CALN1: variants seen among roughly 807,000 people sequenced by gnomAD.
CALN1 encodes the protein calneuron 1.
In CALN1, 17 loss-of-function variants were observed where a neutral mutation model predicts 30.6. The observed-to-expected ratio is 0.56, with a 90% confidence interval of 0.38 to 0.83. The LOEUF (loss-of-function observed/expected upper bound fraction) is 0.83. CALN1 is among the 40% of genes least tolerant of loss of function. CALN1 has a pLI of 0.00. For missense variants in CALN1, 291 were observed against 354.9 expected (o/e 0.82, Z 1.45); for synonymous variants, 156 against 131.4 (o/e 1.19, Z -1.28).
At chr7:72,196,090 C>T (rs1169559202) in intron 3 of CALN1, among the ~76,000 whole-genome samples, 1 of 151,584 alleles carries the variant, frequency 6.6e-6, no homozygotes, top group Non-Finnish European at 1.5e-5. Context: ...GGAGTGAATG[C>T]TAAGGGGTAT....
At position 71,781,526 on chromosome 7, in the gene CALN1, G is replaced by T. The variant is rs1792713362; in HGVS notation, c.*6249C>A. 1.3e-5 allele frequency: 2 copies of T among 152,268 alleles called. No homozygotes were observed. Among genetic ancestry groups the T allele is most frequent in the African/African-American group, 4.8e-5 (2 of 41,454 alleles). The allele number at this position is 152,268 out of a possible 1,614,324, so 9.4% of individuals were successfully genotyped here. On this transcript the variant is annotated 3_prime_UTR_variant, in exon 7 of 7. Coordinates refer to ENST00000395275, the MANE Select transcript of CALN1 (RefSeq NM_031468.4). ...TTCCAAAGTAGGCCAGCGATCCAGA[G>T]AAGACCTTCAGAGGACAGCATCTGC...
chr7:72,150,203 G>A (rs976464906), intron 3 of CALN1, among the ~76,000 whole-genome samples: 4 of 151,460 alleles, frequency 2.6e-5, no homozygotes, highest in Non-Finnish European at 4.4e-5. Flanking sequence ...AGATCTTCAC[G>A]AATCTTTTGC....
intron 3 of CALN1, among the ~76,000 whole-genome samples, chr7:72,181,048 C>T (rs954450007): frequency 5.5e-5 from 8 of 145,598 alleles, no homozygotes; most frequent in East Asian, 2.1e-4. Context: ...CAGTGAGCCA[C>T]GATCACGCCA....
chr7:72,209,350 C>CTCTT (rs1792194174), intron 3 of CALN1, among the ~76,000 whole-genome samples: 1 of 45,656 alleles, frequency 2.2e-5, no homozygotes, highest in African/African-American at 1.3e-4. Context: ...CTTTCCTTCC[C>CTCTT]TCCTTCCCTC....
chr7:71,914,289 G>C lies in CALN1; in HGVS notation c.502-103797C>G, dbSNP rs530803228. Among the ~76,000 whole-genome samples the C allele has an allele frequency of 1.8e-4, 27 of 152,218 alleles. No individual in the cohort carries two copies. The South Asian group carries it at 5.4e-3, about 30-fold the overall frequency. The stretch of plus-strand genomic sequence containing the variant: ...CTCATCATTTACCTCCCACTTATAA[G>C]TAAGAACATGCAGTATTTGGTTTTC... On this transcript the variant is annotated intron_variant, in intron 5 of 6. Coordinates refer to ENST00000395275, the MANE Select transcript of CALN1 (RefSeq NM_031468.4).
intron 5 of CALN1, among the ~76,000 whole-genome samples, chr7:71,950,087 T>G (rs1460253520): frequency 6.6e-6 from 1 of 152,100 alleles, no homozygotes; most frequent in Non-Finnish European, 1.5e-5. Flanking sequence ...AAATCTCTGC[T>G]TTTGTTGCTT....
chr7:71,946,038 G>A (rs1024977042), intron 5 of CALN1, among the ~76,000 whole-genome samples: 4 of 152,114 alleles, frequency 2.6e-5, no homozygotes, highest in African/African-American at 9.7e-5. Flanking sequence ...ATGGGGTGAG[G>A]GCCGCTTTAG....
At chr7:72,109,876 GAAA>G (rs969217331) in intron 3 of CALN1, among the ~76,000 whole-genome samples, 3 of 146,574 alleles carry the variant, frequency 2.0e-5, no homozygotes, top group Non-Finnish European at 3.0e-5. Context: ...TTCCCCATCT[GAAA>G]AAATGGGTTA....
intron 5 of CALN1, among the ~76,000 whole-genome samples, chr7:72,002,396 AATACT>A (rs1041935592): frequency 1.3e-5 from 2 of 152,200 alleles, no homozygotes; most frequent in South Asian, 2.1e-4. Flanking sequence ...TAATTTATTA[AATACT>A]ATACTGAAAG....
chr7:72,383,208 A>C (rs1322223681), intron 2 of CALN1, among the ~76,000 whole-genome samples: 1 of 152,174 alleles, frequency 6.6e-6, no homozygotes, highest in Non-Finnish European at 1.5e-5. Context: ...ATTGTGAATA[A>C]TGCTGCAATG....
chr7:71,842,132 A>C (rs1789974777), intron 5 of CALN1, among the ~76,000 whole-genome samples: 1 of 152,168 alleles, frequency 6.6e-6, no homozygotes, highest in Non-Finnish European at 1.5e-5. Context: ...AGATAGCTAG[A>C]TACTAGGCAG....
At chr7:72,347,670 A>G (rs1272848379) in intron 2 of CALN1, among the ~76,000 whole-genome samples, 1 of 152,200 alleles carries the variant, frequency 6.6e-6, no homozygotes, top group Admixed American at 6.5e-5. Flanking sequence ...ACGTAATAAA[A>G]GCTAGTACAA....
chr7:71,904,747 C>T (rs1471543088), intron 5 of CALN1, among the ~76,000 whole-genome samples: 2 of 152,158 alleles, frequency 1.3e-5, no homozygotes, highest in African/African-American at 4.8e-5. Context: ...TAATTAGCTA[C>T]ATTTAATTTA....
chr7:72,066,793 T>A (rs987541191), intron 4 of CALN1, among the ~76,000 whole-genome samples: 4 of 151,768 alleles, frequency 2.6e-5, no homozygotes, highest in African/African-American at 4.8e-5. Context: ...TTTTATTTTT[T>A]TTTTTTGAGA....
At chr7:72,205,266 G>T (rs1791744380) in intron 3 of CALN1, among the ~76,000 whole-genome samples, 2 of 151,430 alleles carry the variant, frequency 1.3e-5, no homozygotes. Flanking sequence ...GCAGTAGTGT[G>T]ATCTCAGCTC....
chr7:72,111,930 T>C (rs1021222881), intron 3 of CALN1, among the ~76,000 whole-genome samples: 3 of 152,046 alleles, frequency 2.0e-5, no homozygotes, highest in Non-Finnish European at 4.4e-5. Flanking sequence ...TTTGTATTTT[T>C]AGTAGAGACG....
chr7:71,823,019 C>T (rs1463223292), intron 5 of CALN1, among the ~76,000 whole-genome samples: 1 of 152,176 alleles, frequency 6.6e-6, no homozygotes, highest in Admixed American at 6.5e-5. Flanking sequence ...CAATGAAACA[C>T]TTGTGAATAT....
intron 2 of CALN1, among the ~76,000 whole-genome samples, chr7:72,303,424 G>A (rs1419882737): frequency 2.6e-5 from 4 of 152,050 alleles, no homozygotes; most frequent in African/African-American, 9.7e-5. Context: ...AGGCGTGGTG[G>A]GGCATGCCTG....
chr7:71,799,424 T>A (rs1296503506), intron 6 of CALN1, among the ~76,000 whole-genome samples: 2 of 26,912 alleles, frequency 7.4e-5, no homozygotes, highest in African/African-American at 1.3e-4. Flanking sequence ...TGGGTCTTTT[T>A]ATTTATTTAT....
Sources: allele counts gnomAD v4.1 joint callset (sites outside exome capture counted in the v4.1 genomes callset), GRCh38; gene constraint gnomAD v4.1.1; transcripts MANE v1.5; gene names NCBI Gene and HGNC (gene_info 2026-07-23, HGNC 2026-07-21).